The following GABRB1 variants were observed in gnomAD, a reference collection of about 807,000 sequenced individuals.
GABRB1 encodes the protein gamma-aminobutyric acid receptor subunit beta-1.
Under a neutral mutation model 51.6 loss-of-function variants are expected in GABRB1, and 17 were observed. The observed-to-expected ratio is 0.33, with a 90% CI of 0.23 to 0.49. The LOEUF (loss-of-function observed/expected upper bound fraction) is 0.49, where lower values mean the gene tolerates loss of function less well. Among genes scored for constraint, GABRB1 ranks in the 20% least tolerant of loss-of-function variants. The probability of loss-of-function intolerance (pLI) is 0.99; values close to 1 mark genes in which losing one functional copy is unlikely to be tolerated. For missense variants in GABRB1, 410 were observed against 600.6 expected (o/e 0.68, Z 3.32); for synonymous variants, 247 against 218.9 (o/e 1.13, Z -1.14).
chr4:47,047,009 A>C lies in GABRB1; in HGVS notation c.240+14525A>C, dbSNP rs537586574. 6.6e-4 allele frequency among the ~76,000 whole-genome samples: 101 copies of C among 152,230 alleles called. 1 individual carries two copies. Among genetic ancestry groups the C allele is most frequent in the Non-Finnish European group, 1.4e-3 (93 of 67,984 alleles). On this transcript the variant is annotated intron_variant, in intron 3 of 8. Coordinates refer to ENST00000295454, the MANE Select transcript of GABRB1 (RefSeq NM_000812.4). ...CTATCAGAGGCTGGAGGGTGGCAGG[A>C]GGGAGAGGATCAGAAAAAACAACTA...
chr4:47,121,722 C>CT (rs1443027279), intron 3 of GABRB1, among the ~76,000 whole-genome samples: 1 of 152,220 alleles, frequency 6.6e-6, no homozygotes, highest in African/African-American at 2.4e-5. Flanking sequence ...AATATGCAAA[C>CT]TAATTTTTGT....
intron 3 of GABRB1, among the ~76,000 whole-genome samples, chr4:47,061,046 T>C (rs1327674770): frequency 6.6e-6 from 1 of 152,206 alleles, no homozygotes; most frequent in African/African-American, 2.4e-5. Flanking sequence ...AAAAAATAAC[T>C]ATCAGATCCA....
chr4:47,344,715 G>A (rs1726025891), intron 5 of GABRB1, among the ~76,000 whole-genome samples: 1 of 149,960 alleles, frequency 6.7e-6, no homozygotes, highest in South Asian at 2.2e-4. Context: ...TTGTGTGTGT[G>A]TTTTTTTGTT....
chr4:47,115,434 A>G (rs1715429893), intron 3 of GABRB1, among the ~76,000 whole-genome samples: 2 of 152,070 alleles, frequency 1.3e-5, no homozygotes, highest in South Asian at 4.1e-4. Context: ...TTTTTTGGAA[A>G]AAGATCTAGT....
chr4:47,087,792 A>T (rs1360491361), intron 3 of GABRB1, among the ~76,000 whole-genome samples: 2 of 152,154 alleles, frequency 1.3e-5, no homozygotes, highest in Non-Finnish European at 2.9e-5. Context: ...TGTTTTCCTT[A>T]TCTGGAAAAT....
At chr4:47,054,030 T>C (rs1249101273) in intron 3 of GABRB1, among the ~76,000 whole-genome samples, 1 of 152,082 alleles carries the variant, frequency 6.6e-6, no homozygotes, top group Non-Finnish European at 1.5e-5. Flanking sequence ...GATGAGTAGC[T>C]GCCTAAATGT....
At chr4:47,319,385 C>T (rs916515926) in intron 4 of GABRB1, among the ~76,000 whole-genome samples, 3 of 152,020 alleles carry the variant, frequency 2.0e-5, no homozygotes, top group Non-Finnish European at 2.9e-5. Context: ...GCACTCTTGC[C>T]TTCTTCCAGA....
chr4:47,332,453 G>A (rs1341800566), intron 5 of GABRB1, among the ~76,000 whole-genome samples: 2 of 152,142 alleles, frequency 1.3e-5, no homozygotes. Context: ...GATTTTCTAT[G>A]AACAACATCC....
chr4:47,373,232 T>G (rs1727268914), intron 5 of GABRB1, among the ~76,000 whole-genome samples: 1 of 152,324 alleles, frequency 6.6e-6, no homozygotes, highest in South Asian at 2.1e-4. Flanking sequence ...TTATACCTCC[T>G]CTATCCATAA....
At chr4:47,364,907 A>G (rs1726924935) in intron 5 of GABRB1, among the ~76,000 whole-genome samples, 2 of 152,236 alleles carry the variant, frequency 1.3e-5, no homozygotes, top group South Asian at 4.1e-4. Flanking sequence ...AGAACCCTAA[A>G]GAATGAAGCA....
chr4:47,077,137 T>C (rs1362001387), intron 3 of GABRB1, among the ~76,000 whole-genome samples: 4 of 152,198 alleles, frequency 2.6e-5, no homozygotes, highest in Non-Finnish European at 4.4e-5. Flanking sequence ...AAAAGATTTG[T>C]TCCACACATC....
At chr4:47,172,186 ATG>A (rs1366047654) in intron 4 of GABRB1, among the ~76,000 whole-genome samples, 1 of 152,310 alleles carries the variant, frequency 6.6e-6, no homozygotes, top group East Asian at 1.9e-4. Flanking sequence ...CTAAAACAGA[ATG>A]TCACAGAGGA....
intron 3 of GABRB1, among the ~76,000 whole-genome samples, chr4:47,108,776 T>C (rs1169392066): frequency 6.6e-6 from 1 of 152,074 alleles, no homozygotes; most frequent in African/African-American, 2.4e-5. Flanking sequence ...TGTTCCTTTT[T>C]GACAAATACA....
chr4:47,129,208 T>G (rs985988564), intron 3 of GABRB1, among the ~76,000 whole-genome samples: 1 of 152,034 alleles, frequency 6.6e-6, no homozygotes, highest in Non-Finnish European at 1.5e-5. Context: ...AATCTTTGAG[T>G]GTTAAAATTA....
At chr4:47,245,908 T>C (rs551682497) in intron 4 of GABRB1, among the ~76,000 whole-genome samples, 1 of 151,588 alleles carries the variant, frequency 6.6e-6, no homozygotes, top group East Asian at 1.9e-4. Context: ...CTTTTCTGTC[T>C]TTTTTTCTTT....
Position 47,311,780 on chromosome 4 carries a change from C to G in GABRB1, c.462-8347C>G, listed in dbSNP as rs140513519. Among the ~76,000 whole-genome samples the G allele has an allele frequency of 5.0e-4, 76 of 152,260 alleles. 1 individual carries two copies. The highest frequency in any genetic ancestry group is 1.6e-3 in the African/African-American group (68 of 41,544). ...AGGTGCTTAGTACAGTGCCTGTCAT[C>G]TAGGATTCTAACATACTACTAGCCA... On this transcript the variant is annotated intron_variant, in intron 4 of 8. Coordinates refer to ENST00000295454, the MANE Select transcript of GABRB1 (RefSeq NM_000812.4).
intron 3 of GABRB1, among the ~76,000 whole-genome samples, chr4:47,146,337 G>A (rs751958482): frequency 6.0e-5 from 9 of 150,934 alleles, no homozygotes; most frequent in Non-Finnish European, 1.3e-4. Context: ...CCTCTTTTTG[G>A]TAGTCATGAT....
intron 4 of GABRB1, among the ~76,000 whole-genome samples, chr4:47,287,498 C>T (rs1723554553): frequency 6.6e-6 from 1 of 152,094 alleles, no homozygotes; most frequent in Non-Finnish European, 1.5e-5. Flanking sequence ...AATTATTTAT[C>T]CTTTAAAACC....
chr4:47,294,813 TC>T (rs1046409831), intron 4 of GABRB1, among the ~76,000 whole-genome samples: 1 of 152,148 alleles, frequency 6.6e-6, no homozygotes, highest in African/African-American at 2.4e-5. Context: ...CTCAAGTGGG[TC>T]CCTGACCCCT....
Sources: allele counts gnomAD v4.1 joint callset (sites outside exome capture counted in the v4.1 genomes callset), GRCh38; gene constraint gnomAD v4.1.1; transcripts MANE v1.5; gene names NCBI Gene and HGNC (gene_info 2026-07-23, HGNC 2026-07-21).